The following PTPRN2 variants were observed in gnomAD, a reference collection of about 807,000 sequenced individuals.
PTPRN2 encodes protein tyrosine phosphatase receptor type N2, also known as receptor-type tyrosine-protein phosphatase N2.
PTPRN2 carries 74 observed loss-of-function variants against 118.8 expected under a neutral mutation model. The observed-to-expected ratio is 0.62, with a 90% CI of 0.52 to 0.76. PTPRN2 has a LOEUF of 0.76. Ranked by LOEUF, PTPRN2 falls within the 30% of genes least tolerant of loss-of-function variation. The pLI, the probability that PTPRN2 is intolerant of heterozygous loss-of-function variation, is 0.00. For missense variants in PTPRN2, 1,481 were observed against 1,394.4 expected (o/e 1.06, Z -0.99); for synonymous variants, 641 against 608.0 (o/e 1.05, Z -0.80).
intron 1 of PTPRN2, among the ~76,000 whole-genome samples, chr7:158,558,175 G>A (rs368719523): frequency 1.1e-4 from 16 of 152,168 alleles, no homozygotes; most frequent in African/African-American, 3.4e-4. Context: ...CTGGAGAGAC[G>A]GGGTCTTGCT....
Position 158,551,548 on chromosome 7 carries a change from T to TG in PTPRN2, c.112+36009dup, listed in dbSNP as rs1328191903. On this transcript the variant is annotated intron_variant, in intron 1 of 22. Coordinates refer to ENST00000389418, the MANE Select transcript of PTPRN2 (RefSeq NM_002847.5). ...GGAGTGGGGCTCTAACACATGCATT[T>TG]GGGGGCCCCAGCTCCTAACCCATCA... Among the ~76,000 whole-genome samples, 13 of 129,154 alleles carry TG rather than the reference T, an allele frequency of 1.0e-4. No individual in the cohort carries two copies. The East Asian group carries it at 2.8e-3, about 28-fold the overall frequency. The allele number at this position is 129,154 out of a possible 152,430, so 84.7% of individuals were successfully genotyped here.
chr7:158,189,736 G>C (rs151158279), intron 5 of PTPRN2, among the ~76,000 whole-genome samples: 2 of 152,192 alleles, frequency 1.3e-5, no homozygotes, highest in African/African-American at 4.8e-5. Flanking sequence ...CACTTCCAGC[G>C]TCTGGGGACG....
intron 17 of PTPRN2, among the ~76,000 whole-genome samples, chr7:157,589,495 G>A (rs1171061802): frequency 2.0e-5 from 3 of 152,184 alleles, no homozygotes; most frequent in Admixed American, 6.5e-5. Flanking sequence ...GGTACCCAAA[G>A]CCGCAGGGAT....
rs148792803 is a variant in PTPRN2 at position 157,680,496 on chromosome 7, C to T, written c.2001+2229G>A. On this transcript the variant is annotated intron_variant, in intron 13 of 22. Coordinates refer to ENST00000389418, the MANE Select transcript of PTPRN2 (RefSeq NM_002847.5). ...TGCTTCATTTACCAAAGTAAATATC[C>T]TTTCCTTGTAACCGCAATTGTCTGA... Among the ~76,000 whole-genome samples the T allele has an allele frequency of 9.3e-4, 141 of 152,336 alleles. 2 individuals carry two copies. Among genetic ancestry groups the T allele is most frequent in the Non-Finnish European group, 1.6e-3 (111 of 68,032 alleles).
intron 2 of PTPRN2, among the ~76,000 whole-genome samples, chr7:158,477,491 AT>A (rs1225451949): frequency 2.0e-5 from 3 of 152,098 alleles, no homozygotes; most frequent in Admixed American, 1.3e-4. Context: ...CGTATAATTC[AT>A]TTTTTAATTG....
intron 2 of PTPRN2, among the ~76,000 whole-genome samples, chr7:158,363,360 C>T (rs757164845): frequency 1.3e-4 from 20 of 152,132 alleles, no homozygotes; most frequent in Admixed American, 3.9e-4. Flanking sequence ...GCCGCCTCCT[C>T]CAGAGCCTCT....
At chr7:157,993,082 A>AT (rs1232070204) in intron 11 of PTPRN2, among the ~76,000 whole-genome samples, 1 of 152,194 alleles carries the variant, frequency 6.6e-6, no homozygotes, top group Non-Finnish European at 1.5e-5. Flanking sequence ...CAGGAGGATC[A>AT]TCGCAGGTGG....
intron 21 of PTPRN2, 63 bp from the exon 22 acceptor site, chr7:157,549,082 A>G (rs1340293229): frequency 2.0e-6 from 3 of 1,488,512 alleles, no homozygotes; most frequent in African/African-American, 1.4e-5. Flanking sequence ...ACATCTGTCA[A>G]TCTCCTGCTA....
chr7:158,318,681 G>A (rs570873756), intron 2 of PTPRN2, among the ~76,000 whole-genome samples: 1 of 152,362 alleles, frequency 6.6e-6, no homozygotes, highest in East Asian at 1.9e-4. Context: ...GCTCTCGGCC[G>A]GCCCCAGAGC....
At chr7:158,458,602 G>A (rs1029723329) in intron 2 of PTPRN2, among the ~76,000 whole-genome samples, 1 of 152,100 alleles carries the variant, frequency 6.6e-6, no homozygotes, top group Non-Finnish European at 1.5e-5. Flanking sequence ...TCACCCTCTC[G>A]TGCGGTCTCC....
At chr7:158,426,984 A>G (rs1586649772) in intron 2 of PTPRN2, among the ~76,000 whole-genome samples, 1 of 1,900 alleles carries the variant, frequency 5.3e-4, no homozygotes, top group Non-Finnish European at 7.9e-4. Flanking sequence ...AGCCTAGCTG[A>G]GGCCTGCGCA....
chr7:158,217,391 A>G (rs760926112), intron 3 of PTPRN2, among the ~76,000 whole-genome samples: 8 of 152,226 alleles, frequency 5.3e-5, no homozygotes, highest in African/African-American at 1.9e-4. Flanking sequence ...AAGCCAATCA[A>G]CTATATCCAA....
At chr7:158,115,463 T>G (rs151176552) in intron 9 of PTPRN2, among the ~76,000 whole-genome samples, 140 of 152,226 alleles carry the variant, frequency 9.2e-4, no homozygotes, top group African/African-American at 3.3e-3. Context: ...TGCTATGAAC[T>G]AATTGTGACC....
chr7:157,955,399 C>T (rs1236195396), intron 11 of PTPRN2, among the ~76,000 whole-genome samples: 4 of 151,926 alleles, frequency 2.6e-5, no homozygotes, highest in East Asian at 3.9e-4. Flanking sequence ...CTCACATCCC[C>T]CTGGGTGGGA....
chr7:158,152,000 C>T (rs36066197), intron 6 of PTPRN2, among the ~76,000 whole-genome samples: 94,673 of 151,180 alleles, frequency 0.63, 30,438 homozygotes, highest in East Asian at 0.79. Context: ...GGTGAAACCC[C>T]GTCTCTACTA....
chr7:157,816,446 T>C (rs1806406658), intron 12 of PTPRN2, among the ~76,000 whole-genome samples: 2 of 152,364 alleles, frequency 1.3e-5, no homozygotes, highest in Non-Finnish European at 2.9e-5. Flanking sequence ...CGAGCCAGCC[T>C]GGATCTCAGA....
intron 11 of PTPRN2, among the ~76,000 whole-genome samples, chr7:157,989,825 T>C (rs1168310450): frequency 2.0e-5 from 3 of 152,126 alleles, no homozygotes; most frequent in Non-Finnish European, 4.4e-5. Context: ...GCAGGCCTTC[T>C]GCCCAATCCC....
In PTPRN2 at chr7:158,425,255, A is replaced by G. The variant is rs1228973552; in HGVS notation, c.163+64480T>C. ...TAGCTGAGGCCTGCGCACCGCCGGG[A>G]AAGACGCGGGGTCCGAGACCAGCCT... On this transcript the variant is annotated intron_variant, in intron 2 of 22. Coordinates refer to ENST00000389418, the MANE Select transcript of PTPRN2 (RefSeq NM_002847.5). Among the ~76,000 whole-genome samples the G allele has an allele frequency of 9.8e-4, 16 of 16,390 alleles. 1 individual carries two copies. The highest frequency in any genetic ancestry group is 2.4e-3 in the African/African-American group (12 of 5,030). 10.8% of individuals were successfully genotyped at this position (16,390 alleles called of 152,430 possible). A position where few individuals can be genotyped will look rare whatever the true frequency, so the allele number is the denominator to read the frequency against.
chr7:158,337,143 A>G (rs1805756857), intron 2 of PTPRN2, among the ~76,000 whole-genome samples: 1 of 151,978 alleles, frequency 6.6e-6, no homozygotes, highest in Non-Finnish European at 1.5e-5. Context: ...TTACAGCCAT[A>G]CTCTCACCAT....
Sources: gnomAD v4.1 joint callset for allele counts (sites outside exome capture counted in the v4.1 genomes callset) on GRCh38, gnomAD v4.1.1 for gene constraint, MANE v1.5 for transcripts, NCBI Gene and HGNC (gene_info 2026-07-23, HGNC 2026-07-21) for gene names.